Variants in UST observed in about 807,000 individuals in gnomAD.
The protein encoded by UST is chondroitin sulfate 2-O-sulfotransferase.
Under a neutral mutation model 45.6 loss-of-function variants are expected in UST, and 21 were observed. The observed-to-expected ratio is 0.46, with a 90% CI of 0.33 to 0.66. The LOEUF is 0.66. UST is among the 30% of genes least tolerant of loss of function. The pLI is 0.02. For synonymous variants in UST, 215 were observed against 200.6 expected (o/e 1.07, Z -0.61); for missense variants, 463 against 512.4 (o/e 0.90, Z 0.93).
intron 5 of UST, among the ~76,000 whole-genome samples, chr6:148,977,909 T>C (rs1391708867): frequency 1.3e-5 from 2 of 152,176 alleles, no homozygotes; most frequent in African/African-American, 4.8e-5. Context: ...TCTTATTATT[T>C]GAGAATGTAT....
At chr6:148,838,348 G>T (rs984191852) in intron 1 of UST, among the ~76,000 whole-genome samples, 1 of 152,212 alleles carries the variant, frequency 6.6e-6, no homozygotes. Flanking sequence ...CACGAGGTCA[G>T]AGAGGAAGTG....
At chr6:148,883,354 G>T (rs1348108475) in intron 1 of UST, among the ~76,000 whole-genome samples, 1 of 152,234 alleles carries the variant, frequency 6.6e-6, no homozygotes, top group East Asian at 1.9e-4. Flanking sequence ...GTGCTAAGGA[G>T]TTAGTAGGTA....
intron 7 of UST, among the ~76,000 whole-genome samples, chr6:149,043,015 C>CTT (rs761905752): frequency 0.1 from 12,324 of 118,574 alleles, 685 homozygotes; most frequent in Non-Finnish European, 0.13. Context: ...TTCTTTCTTT[C>CTT]TTTCTTTTTC....
chr6:148,808,428 G>T (rs533699219), intron 1 of UST, among the ~76,000 whole-genome samples: 3 of 152,018 alleles, frequency 2.0e-5, no homozygotes, highest in South Asian at 2.1e-4. Flanking sequence ...CTGCTTGTGA[G>T]GGGGGTGGGC....
chr6:149,053,433 C>T (rs1314987239), intron 7 of UST, among the ~76,000 whole-genome samples: 1 of 152,188 alleles, frequency 6.6e-6, no homozygotes, highest in Non-Finnish European at 1.5e-5. Flanking sequence ...GAAAACATTC[C>T]ATGCTCATGT....
intron 2 of UST, among the ~76,000 whole-genome samples, chr6:148,920,986 T>G (rs1438280549): frequency 6.6e-6 from 1 of 152,184 alleles, no homozygotes; most frequent in Non-Finnish European, 1.5e-5. Context: ...CTTTATAAGC[T>G]CTCCTCATTA....
At chr6:148,960,285 G>A (rs763669654) in intron 4 of UST, among the ~76,000 whole-genome samples, 16 of 152,016 alleles carry the variant, frequency 1.1e-4, no homozygotes, top group Admixed American at 7.9e-4. Context: ...GCGAAACTCC[G>A]TCTCAAAAAT....
intron 5 of UST, among the ~76,000 whole-genome samples, chr6:148,983,470 C>G (rs9485343): frequency 0.26 from 40,020 of 152,068 alleles, 5,657 homozygotes; most frequent in African/African-American, 0.39. Flanking sequence ...AAAATCATAC[C>G]TCAATTAGTC....
intron 1 of UST, among the ~76,000 whole-genome samples, chr6:148,852,515 T>G (rs1377225345): frequency 1.3e-5 from 2 of 152,288 alleles, no homozygotes; most frequent in East Asian, 3.9e-4. Context: ...TTACAGTCTC[T>G]TACCATGTAA....
intron 1 of UST, among the ~76,000 whole-genome samples, chr6:148,770,288 T>C (rs539616488): frequency 1.9e-4 from 28 of 151,066 alleles, no homozygotes; most frequent in African/African-American, 6.6e-4. Flanking sequence ...GAGCTGGGCA[T>C]TGAAGCATAA....
chr6:149,048,466 G>C (rs985341484), intron 7 of UST, among the ~76,000 whole-genome samples: 3 of 151,822 alleles, frequency 2.0e-5, no homozygotes, highest in African/African-American at 7.3e-5. Context: ...AACCTGGGGG[G>C]CAGAGGTTGT....
chr6:148,981,505 A>G (rs1016909190), intron 5 of UST, among the ~76,000 whole-genome samples: 7 of 152,160 alleles, frequency 4.6e-5, no homozygotes, highest in Non-Finnish European at 8.8e-5. Flanking sequence ...TGCTTTATTT[A>G]CATCCCATTG....
chr6:148,907,473 A>T (rs1779386420), intron 2 of UST, among the ~76,000 whole-genome samples: 1 of 152,172 alleles, frequency 6.6e-6, no homozygotes, highest in Non-Finnish European at 1.5e-5. Context: ...TACTAATTTG[A>T]CATTCATAAT....
At chr6:148,828,191 G>A (rs1232511266) in intron 1 of UST, among the ~76,000 whole-genome samples, 1 of 151,684 alleles carries the variant, frequency 6.6e-6, no homozygotes, top group South Asian at 2.1e-4. Flanking sequence ...TTCAACTTAG[G>A]TCTGATAGTG....
chr6:148,972,837 G>A (rs1487726168), intron 5 of UST, among the ~76,000 whole-genome samples: 1 of 152,108 alleles, frequency 6.6e-6, no homozygotes, highest in Non-Finnish European at 1.5e-5. Flanking sequence ...TCCCACACCC[G>A]AAAGTTCTGG....
intron 1 of UST, among the ~76,000 whole-genome samples, chr6:148,840,707 G>T (rs1356970081): frequency 6.6e-6 from 1 of 152,226 alleles, no homozygotes; most frequent in Non-Finnish European, 1.5e-5. Context: ...ATGGAAGGCT[G>T]ACTGTATTTT....
intron 1 of UST, among the ~76,000 whole-genome samples, chr6:148,860,514 C>T (rs1347866812): frequency 6.6e-6 from 1 of 152,154 alleles, no homozygotes; most frequent in Non-Finnish European, 1.5e-5. Context: ...TTGCCCTGGC[C>T]AGAGCTTCCA....
At chr6:149,011,246 T>C (rs1257001530) in intron 5 of UST, among the ~76,000 whole-genome samples, 1 of 152,174 alleles carries the variant, frequency 6.6e-6, no homozygotes, top group Non-Finnish European at 1.5e-5. Context: ...CATTTATTTG[T>C]GGGAGCTAAA....
At chr6:148,848,558 C>T (rs1406471656) in intron 1 of UST, among the ~76,000 whole-genome samples, 2 of 151,648 alleles carry the variant, frequency 1.3e-5, no homozygotes, top group Admixed American at 6.6e-5. Flanking sequence ...GTAGTCCCAG[C>T]TACTCAGGAG....
Sources: allele counts gnomAD v4.1 joint callset (sites outside exome capture counted in the v4.1 genomes callset), GRCh38; gene constraint gnomAD v4.1.1; transcripts MANE v1.5; gene names NCBI Gene and HGNC (gene_info 2026-07-23, HGNC 2026-07-21).